The following CNOT1 variants were observed in gnomAD, a reference collection of about 807,000 sequenced individuals.
CNOT1 encodes the protein CCR4-associated factor 1.
CNOT1 carries 15 observed loss-of-function variants against 273.8 expected under a neutral mutation model. The observed-to-expected ratio is 0.05, with a 90% CI of 0.04 to 0.08. The LOEUF is 0.08. Among genes scored for constraint, CNOT1 ranks in the 10% least tolerant of loss-of-function variants. The pLI, the probability that CNOT1 is intolerant of heterozygous loss-of-function variation, is 1.00. For synonymous variants in CNOT1, 1,022 were observed against 1,005.5 expected (o/e 1.02, Z -0.31); for missense variants, 1,644 against 2,912.2 (o/e 0.56, Z 10.02).
Position 58,520,876 on chromosome 16 carries a change from C to A in CNOT1, c.*82G>T. 1 of 1,416,816 alleles carries A rather than the reference C, an allele frequency of 7.1e-7. No individual in the cohort carries two copies. 87.8% of individuals were successfully genotyped at this position (1,416,816 alleles called of 1,614,324 possible). A position where few individuals can be genotyped will look rare whatever the true frequency, so the allele number is the denominator to read the frequency against. ...AAAGGGCTGGGAAAGTCAGGAAGAGCTGAAAGGATTCTTCAGTCAGTTTAT... is the reference window on the plus strand; with the variant it reads ...AAAGGGCTGGGAAAGTCAGGAAGAGATGAAAGGATTCTTCAGTCAGTTTAT... On this transcript the variant is annotated 3_prime_UTR_variant, in exon 49 of 49. Coordinates refer to ENST00000317147, the MANE Select transcript of CNOT1 (RefSeq NM_016284.5).
rs1456190139 is a variant in CNOT1 at position 58,537,168 on chromosome 16, G to A, written c.5467C>T (p.Arg1823Cys). 1.2e-6 allele frequency: 2 copies of A among 1,613,702 alleles called. No homozygotes were observed. Among genetic ancestry groups the A allele is most frequent in the Non-Finnish European group, 1.7e-6 (2 of 1,179,748 alleles). Residue 1823 changes from arginine (R) to cysteine (C), a missense_variant, in exon 39 of 49, where the codon CGT (arginine) becomes TGT (cysteine). Transcript: ENST00000317147. ...ATAAAGTTTGGGCCTCCATGAGCACGATCAATCATTGCTTCATAGTTGGAT... is the reference window on the plus strand; with the variant it reads ...ATAAAGTTTGGGCCTCCATGAGCACAATCAATCATTGCTTCATAGTTGGAT... ...VRSNYEAMID[R>C]AHGGPNFMMH...
intron 14 of CNOT1, among the ~76,000 whole-genome samples, 195 bp downstream of exon 14, chr16:58,576,268 C>T (rs1016017350): frequency 6.6e-6 from 1 of 151,956 alleles, no homozygotes; most frequent in Admixed American, 6.6e-5. Context: ...GCACTCCACG[C>T]CCGGCTAATT....
intron 16 of CNOT1, among the ~76,000 whole-genome samples, chr16:58,565,145 G>A (rs2040996110): frequency 6.6e-6 from 1 of 151,836 alleles, no homozygotes; most frequent in South Asian, 2.1e-4. Flanking sequence ...TTTGAGACAG[G>A]GTCTCACTGT....
intron 1 of CNOT1, among the ~76,000 whole-genome samples, chr16:58,605,425 C>A (rs1456873258): frequency 6.6e-6 from 1 of 151,808 alleles, no homozygotes; most frequent in Non-Finnish European, 1.5e-5. Flanking sequence ...ATCACTTGAA[C>A]CCAGGAGGCG....
At chr16:58,521,865 C>T (rs1229454229) in intron 47 of CNOT1, among the ~76,000 whole-genome samples, 1 of 151,994 alleles carries the variant, frequency 6.6e-6, no homozygotes, top group Non-Finnish European at 1.5e-5. Context: ...GCAGGAGAAT[C>T]GCTTGAACCC....
chr16:58,551,017 C>A, intron 24 of CNOT1, 115 bp downstream of exon 24: 1 of 1,516,878 alleles, frequency 6.6e-7, no homozygotes, highest in Non-Finnish European at 8.7e-7. Flanking sequence ...TATACATATT[C>A]CCTTTGAGTT....
intron 25 of CNOT1, chr16:58,548,773 A>G (rs1057319633): frequency 8.0e-6 from 3 of 374,330 alleles, no homozygotes; most frequent in Non-Finnish European, 1.6e-5. Context: ...GCCTCAGCTC[A>G]GTAGAATTTG....
chr16:58,566,674 T>C (rs1051498435), intron 16 of CNOT1, among the ~76,000 whole-genome samples: 1 of 152,232 alleles, frequency 6.6e-6, no homozygotes, highest in Non-Finnish European at 1.5e-5. Flanking sequence ...GGTTTCTTTT[T>C]TTTATTTTTG....
chr16:58,584,208 T>G (rs936151308), intron 8 of CNOT1, among the ~76,000 whole-genome samples: 2 of 152,004 alleles, frequency 1.3e-5, no homozygotes, highest in Admixed American at 1.3e-4. Context: ...ATAAGACTCA[T>G]GAGTAATGCT....
chr16:58,527,267 T>TA (rs1294572378), intron 44 of CNOT1, among the ~76,000 whole-genome samples: 1 of 152,078 alleles, frequency 6.6e-6, no homozygotes, highest in African/African-American at 2.4e-5. Flanking sequence ...CTCATGCCTG[T>TA]AATCCCAGCA....
At chr16:58,610,149 G>A (rs1170078059) in intron 1 of CNOT1, among the ~76,000 whole-genome samples, 4 of 152,206 alleles carry the variant, frequency 2.6e-5, no homozygotes, top group South Asian at 2.1e-4. Context: ...TGGGCAAGGC[G>A]GCTCATGCCT....
chr16:58,528,071 C>T (rs1293525960), intron 44 of CNOT1: 4 of 449,824 alleles, frequency 8.9e-6, no homozygotes, highest in Non-Finnish European at 1.3e-5. Flanking sequence ...CGAGACTGCA[C>T]CACTGCACTC....
chr16:58,599,373 C>T lies in CNOT1; in HGVS notation c.-36G>A, dbSNP rs373306839. On this transcript the variant is annotated 5_prime_UTR_variant, in exon 2 of 49. Coordinates refer to ENST00000317147, the MANE Select transcript of CNOT1 (RefSeq NM_016284.5). Reference sequence around the variant, plus strand: ...GGCGGAAGCAGGCGGCCGAGCCCGGCGCAAAATCACCATTATTCCCCTTTA... The same window carrying T: ...GGCGGAAGCAGGCGGCCGAGCCCGGTGCAAAATCACCATTATTCCCCTTTA... 18 of 1,613,610 alleles carry T rather than the reference C, an allele frequency of 1.1e-5. No homozygotes were observed. The highest frequency in any genetic ancestry group is 3.3e-5 in the South Asian group (3 of 91,054).
At chr16:58,622,859 A>G (rs1353916363) in intron 1 of CNOT1, among the ~76,000 whole-genome samples, 1 of 151,802 alleles carries the variant, frequency 6.6e-6, no homozygotes, top group African/African-American at 2.4e-5. Flanking sequence ...AAAAAAAAAA[A>G]AAAGAAAGAA....
chr16:58,543,376 T>C, intron 31 of CNOT1: 3 of 1,541,582 alleles, frequency 1.9e-6, no homozygotes, highest in Non-Finnish European at 2.6e-6. Context: ...TTTGGGTATC[T>C]ACTATCTGTC....
chr16:58,597,535 A>C (rs997542798), intron 2 of CNOT1: 1 of 263,896 alleles, frequency 3.8e-6, no homozygotes, highest in Non-Finnish European at 7.4e-6. Flanking sequence ...CCTCCTCAAC[A>C]CAAAAAAAAG....
Position 58,536,145 on chromosome 16 carries a change from C to A in CNOT1, c.5646+844G>T, listed in dbSNP as rs73560452. ...TTTGTAATCTTTCTTTAGCAATATACCTAAAAGTTTTGGGTTCAGTTTGAA... is the reference window on the plus strand; with the variant it reads ...TTTGTAATCTTTCTTTAGCAATATAACTAAAAGTTTTGGGTTCAGTTTGAA... On this transcript the variant is annotated intron_variant, in intron 39 of 48. Transcript: ENST00000317147. 8.6e-3 allele frequency among the ~76,000 whole-genome samples: 1,305 copies of A among 152,094 alleles called. 16 individuals are homozygous for A. The highest frequency in any genetic ancestry group is 0.031 in the Middle Eastern group (9 of 294).
At chr16:58,583,248 C>T (rs1048059597) in intron 8 of CNOT1, 66 bp from the exon 9 acceptor site, 7 of 1,587,484 alleles carry the variant, frequency 4.4e-6, no homozygotes, top group Non-Finnish European at 6.0e-6. Flanking sequence ...GAAATTCTGG[C>T]ATTAAATGAA....
At chr16:58,521,942 C>A (rs937545760) in intron 47 of CNOT1, among the ~76,000 whole-genome samples, 4 of 152,102 alleles carry the variant, frequency 2.6e-5, no homozygotes, top group Admixed American at 2.6e-4. Flanking sequence ...CAGAGTGAGA[C>A]CCTGTCTCAA....
Sources: gnomAD v4.1 joint callset for allele counts (sites outside exome capture counted in the v4.1 genomes callset) on GRCh38, gnomAD v4.1.1 for gene constraint, MANE v1.5 for transcripts, NCBI Gene and HGNC (gene_info 2026-07-23, HGNC 2026-07-21) for gene names.